PCSK5: variants seen among roughly 807,000 people sequenced by gnomAD.
PCSK5 encodes the protein prohormone convertase 5.
Under a neutral mutation model 233.2 loss-of-function variants are expected in PCSK5, and 129 were observed. That is an observed-to-expected ratio of 0.55 (90% confidence interval 0.48 to 0.64). The LOEUF is 0.64. Among genes scored for constraint, PCSK5 ranks in the 30% least tolerant of loss-of-function variants. The pLI, the probability that PCSK5 is intolerant of heterozygous loss-of-function variation, is 0.00. For synonymous variants in PCSK5, 825 were observed against 879.2 expected, an observed-to-expected ratio of 0.94 and a Z score of 1.09; for missense variants, 2,076 against 2,430.1, an observed-to-expected ratio of 0.85 and a Z score of 3.06.
In PCSK5 at chr9:76,321,524, C is replaced by A. The variant is rs765944049; in HGVS notation, c.3987C>A (p.Val1329=). Residue 1329 remains valine (V), a synonymous_variant, in exon 31 of 38, where the codon GTC becomes GTA. Transcript: ENST00000674117. ...GCCATTCTTGTGAAGGAGGCCACGT[C>A]CTGCACCACGGAGTGTGCCAGGAAA... The part of the protein sequence containing the change: ...TNCHSCEGGH[V]LHHGVCQENC... 5 of 1,612,274 alleles carry A rather than the reference C, an allele frequency of 3.1e-6. No homozygotes were observed. Among genetic ancestry groups the A allele is most frequent in the Non-Finnish European group, 4.2e-6 (5 of 1,179,442 alleles).
chr9:76,196,471 A>C (rs1472441121), intron 20 of PCSK5, among the ~76,000 whole-genome samples: 1 of 152,234 alleles, frequency 6.6e-6, no homozygotes, highest in East Asian at 1.9e-4. Context: ...TGGAGTATAG[A>C]TCTTTCTGAA....
At chr9:75,964,639 T>C (rs778081644) in intron 2 of PCSK5, among the ~76,000 whole-genome samples, 12 of 152,226 alleles carry the variant, frequency 7.9e-5, no homozygotes, top group African/African-American at 1.2e-4. Flanking sequence ...TGTGTGCATG[T>C]TGATGTATGG....
chr9:76,196,364 C>T (rs753227536), intron 20 of PCSK5, among the ~76,000 whole-genome samples: 3 of 152,176 alleles, frequency 2.0e-5, no homozygotes, highest in Admixed American at 6.5e-5. Context: ...TGCGTAAAGT[C>T]GGCATTGGCT....
chr9:75,951,260 T>G (rs1287930898), intron 2 of PCSK5, among the ~76,000 whole-genome samples: 2 of 152,182 alleles, frequency 1.3e-5, no homozygotes, highest in African/African-American at 2.4e-5. Flanking sequence ...AGCTTAGACT[T>G]TGGGGGACAT....
chr9:76,204,655 ACT>A (rs1050777966), intron 20 of PCSK5, among the ~76,000 whole-genome samples: 4 of 151,024 alleles, frequency 2.6e-5, no homozygotes, highest in African/African-American at 9.7e-5. Context: ...CCCACTCCAG[ACT>A]CTAAGCATGA....
At chr9:75,900,114 G>A (rs148015426) in intron 1 of PCSK5, among the ~76,000 whole-genome samples, 14 of 152,194 alleles carry the variant, frequency 9.2e-5, no homozygotes, top group African/African-American at 2.9e-4. Flanking sequence ...GCCTCCATTC[G>A]CTCCCTTCAT....
chr9:76,191,181 A>C (rs1416601824), intron 20 of PCSK5, among the ~76,000 whole-genome samples: 1 of 151,680 alleles, frequency 6.6e-6, no homozygotes, highest in Non-Finnish European at 1.5e-5. Flanking sequence ...TGTTGTTCAA[A>C]ACATCTTTGG....
chr9:76,132,351 GT>G (rs1288280201), intron 9 of PCSK5, among the ~76,000 whole-genome samples: 4 of 152,120 alleles, frequency 2.6e-5, no homozygotes, highest in Middle Eastern at 3.4e-3. Context: ...TTCCTAACAA[GT>G]GCTGTATCCT....
At chr9:76,092,390 T>G (rs574722650) in intron 7 of PCSK5, among the ~76,000 whole-genome samples, 21 of 152,268 alleles carry the variant, frequency 1.4e-4, no homozygotes, top group Admixed American at 9.2e-4. Context: ...CGCTTTCTTT[T>G]TTTGTTTGTT....
At chr9:76,230,946 A>G (rs1249918873) in intron 21 of PCSK5, among the ~76,000 whole-genome samples, 1 of 152,134 alleles carries the variant, frequency 6.6e-6, no homozygotes, top group Non-Finnish European at 1.5e-5. Flanking sequence ...TGCACAATAA[A>G]TGTAATGCAC....
chr9:76,221,544 G>GAA (rs1211927552), intron 20 of PCSK5, among the ~76,000 whole-genome samples: 3 of 152,112 alleles, frequency 2.0e-5, no homozygotes, highest in African/African-American at 7.2e-5. Flanking sequence ...ATATTACATA[G>GAA]AACAGCACTT....
intron 24 of PCSK5, among the ~76,000 whole-genome samples, chr9:76,281,115 T>C (rs916297747): frequency 6.6e-6 from 1 of 152,246 alleles, no homozygotes; most frequent in Non-Finnish European, 1.5e-5. Context: ...AAGCAGCAAG[T>C]AATGATGCAG....
chr9:76,141,041 TAAC>T (rs1564056785), intron 10 of PCSK5, among the ~76,000 whole-genome samples: 3 of 152,168 alleles, frequency 2.0e-5, no homozygotes, highest in Non-Finnish European at 4.4e-5. Flanking sequence ...CTATTCTTAA[TAAC>T]AACAACTCTT....
At chr9:75,969,171 C>A (rs910486659) in intron 2 of PCSK5, among the ~76,000 whole-genome samples, 1 of 152,128 alleles carries the variant, frequency 6.6e-6, no homozygotes, top group Non-Finnish European at 1.5e-5. Flanking sequence ...CTTTACATAG[C>A]TATAATTTTG....
At chr9:76,259,406 G>A (rs1827091117) in intron 24 of PCSK5, among the ~76,000 whole-genome samples, 2 of 151,516 alleles carry the variant, frequency 1.3e-5, no homozygotes, top group South Asian at 2.1e-4. Context: ...CAGCTCCTAA[G>A]AGGCTTATCC....
intron 10 of PCSK5, among the ~76,000 whole-genome samples, chr9:76,145,619 A>C (rs1254499641): frequency 6.6e-6 from 1 of 152,210 alleles, no homozygotes; most frequent in African/African-American, 2.4e-5. Context: ...TTCCTAGCAC[A>C]GACTGCAGCA....
At chr9:76,271,913 G>C (rs1444783288) in intron 24 of PCSK5, among the ~76,000 whole-genome samples, 2 of 152,094 alleles carry the variant, frequency 1.3e-5, no homozygotes, top group African/African-American at 2.4e-5. Context: ...TCTCCCTTCT[G>C]TGTCTGTGTG....
chr9:76,082,027 AT>A lies in PCSK5; in HGVS notation c.894+10139del, dbSNP rs796539409. On this transcript the variant is annotated intron_variant, in intron 7 of 37. Transcript: ENST00000674117. ...AGTATTTTCATAGGCAAATCTTGTCATTTTTTTTTTCTCTTTAAAACTCATC... is the reference window on the plus strand; with the variant it reads ...AGTATTTTCATAGGCAAATCTTGTCATTTTTTTTTCTCTTTAAAACTCATC... Among the ~76,000 whole-genome samples the A allele has an allele frequency of 3.8e-3, 571 of 149,974 alleles. 4 individuals carry two copies. The highest frequency in any genetic ancestry group is 0.013 in the African/African-American group (525 of 40,798).
intron 2 of PCSK5, among the ~76,000 whole-genome samples, chr9:75,983,023 T>C (rs958900486): frequency 6.6e-6 from 1 of 152,124 alleles, no homozygotes; most frequent in African/African-American, 2.4e-5. Flanking sequence ...ATTTATGAAG[T>C]AATTTTTTTC....
Sources: gnomAD v4.1 joint callset for allele counts (sites outside exome capture counted in the v4.1 genomes callset) on GRCh38, gnomAD v4.1.1 for gene constraint, MANE v1.5 for transcripts, NCBI Gene and HGNC (gene_info 2026-07-23, HGNC 2026-07-21) for gene names.